CWC27: variants seen among roughly 807,000 people sequenced by gnomAD.
The protein encoded by CWC27 is CWC27 spliceosome associated cyclophilin.
A neutral mutation model predicts 63.6 loss-of-function variants in CWC27; 47 were observed. The ratio of observed to expected loss-of-function variants is 0.74; its 90% CI spans 0.58 to 0.94. The LOEUF (loss-of-function observed/expected upper bound fraction) is 0.94. Ranked by LOEUF, CWC27 falls within the 40% of genes least tolerant of loss-of-function variation. The probability of loss-of-function intolerance (pLI) is 0.00; values close to 1 mark genes in which losing one functional copy is unlikely to be tolerated. For missense variants in CWC27, 495 were observed against 554.3 expected (o/e 0.89, Z 1.07); for synonymous variants, 175 against 179.8 (o/e 0.97, Z 0.22).
At chr5:64,978,474 C>A (rs1286801223) in intron 13 of CWC27, among the ~76,000 whole-genome samples, 2 of 152,172 alleles carry the variant, frequency 1.3e-5, no homozygotes, top group African/African-American at 4.8e-5. Flanking sequence ...AAGCTGTCTC[C>A]TTCCATAGTT....
chr5:64,965,314 C>G (rs189536483), intron 11 of CWC27, among the ~76,000 whole-genome samples: 1 of 152,282 alleles, frequency 6.6e-6, no homozygotes, highest in East Asian at 1.9e-4. Flanking sequence ...AAAGGTCTCA[C>G]CCATAATCAG....
chr5:64,947,536 A>G (rs1304816013), intron 11 of CWC27, among the ~76,000 whole-genome samples: 2 of 152,142 alleles, frequency 1.3e-5, no homozygotes, highest in Non-Finnish European at 2.9e-5. Context: ...CATCATTTTA[A>G]TAAGCTAAAA....
intron 2 of CWC27, among the ~76,000 whole-genome samples, chr5:64,780,048 G>A (rs901148336): frequency 6.6e-6 from 1 of 152,088 alleles, no homozygotes; most frequent in African/African-American, 2.4e-5. Flanking sequence ...AGCAGTGTGA[G>A]AATGGACTAA....
chr5:64,944,623 T>C (rs547434728), intron 11 of CWC27, among the ~76,000 whole-genome samples: 2 of 152,316 alleles, frequency 1.3e-5, no homozygotes, highest in East Asian at 3.9e-4. Flanking sequence ...CTGTCTCAGT[T>C]AATTTTGGAA....
intron 10 of CWC27, among the ~76,000 whole-genome samples, chr5:64,839,821 CA>C (rs1745754984): frequency 6.6e-6 from 1 of 151,808 alleles, no homozygotes; most frequent in Admixed American, 6.6e-5. Flanking sequence ...TTGAAAAAAA[CA>C]CAGAAAAGAT....
intron 3 of CWC27, among the ~76,000 whole-genome samples, chr5:64,782,950 A>C (rs186211994): frequency 1.3e-5 from 2 of 152,052 alleles, no homozygotes; most frequent in Admixed American, 1.3e-4. Context: ...TTATTCTTTT[A>C]TTTGGTGTGA....
intron 10 of CWC27, among the ~76,000 whole-genome samples, chr5:64,858,182 G>A (rs1360523360): frequency 2.8e-5 from 4 of 145,340 alleles, no homozygotes; most frequent in Non-Finnish European, 4.5e-5. Flanking sequence ...GAAGCCGGCC[G>A]GGCGTGGTGG....
At chr5:64,996,946 T>C (rs1431455603) in intron 13 of CWC27, among the ~76,000 whole-genome samples, 1 of 152,130 alleles carries the variant, frequency 6.6e-6, no homozygotes, top group Non-Finnish European at 1.5e-5. Context: ...GTTGGTGTTG[T>C]TGTTGTTTTA....
rs141583038 is a variant in CWC27 at position 64,869,456 on chromosome 5, A to G, written c.939-15987A>G. Reference sequence around the variant, plus strand: ...TGAAGGGTCGGTCTAGCACAGTTCAAGCAAGTTTTCTGGTCCTGTTTGTCT... The same window carrying G: ...TGAAGGGTCGGTCTAGCACAGTTCAGGCAAGTTTTCTGGTCCTGTTTGTCT... On this transcript the variant is annotated intron_variant, in intron 10 of 13. Coordinates refer to ENST00000381070, the MANE Select transcript of CWC27 (RefSeq NM_005869.4). 1.6e-3 allele frequency among the ~76,000 whole-genome samples: 240 copies of G among 152,154 alleles called. 1 individual carries two copies. The highest frequency in any genetic ancestry group is 5.4e-3 in the African/African-American group (223 of 41,550).
At chr5:64,961,408 A>G (rs527375040) in intron 11 of CWC27, among the ~76,000 whole-genome samples, 1 of 152,196 alleles carries the variant, frequency 6.6e-6, no homozygotes, top group East Asian at 1.9e-4. Flanking sequence ...CCTTTCATAT[A>G]TATATATATA....
At chr5:64,835,893 T>C (rs1745648045) in intron 10 of CWC27, among the ~76,000 whole-genome samples, 1 of 151,852 alleles carries the variant, frequency 6.6e-6, no homozygotes, top group Admixed American at 6.6e-5. Context: ...TGTGAGCCTA[T>C]CATAATCCTT....
intron 8 of CWC27, 120 bp from the exon 9 acceptor site, chr5:64,801,182 A>G (rs1406838648): frequency 3.3e-6 from 3 of 921,130 alleles, no homozygotes; most frequent in East Asian, 3.8e-5. Context: ...TTAAATTCCT[A>G]TGTTGAAATA....
At chr5:64,836,916 C>T (rs1335425858) in intron 10 of CWC27, among the ~76,000 whole-genome samples, 1 of 151,928 alleles carries the variant, frequency 6.6e-6, no homozygotes, top group Non-Finnish European at 1.5e-5. Context: ...ATTTCTGTTC[C>T]AAAGAGTTGT....
chr5:64,880,969 A>G (rs964975388), intron 10 of CWC27, among the ~76,000 whole-genome samples: 3 of 151,130 alleles, frequency 2.0e-5, no homozygotes, highest in Non-Finnish European at 3.0e-5. Flanking sequence ...GGTGACATAT[A>G]CTCCAAGCTT....
intron 11 of CWC27, among the ~76,000 whole-genome samples, chr5:64,905,200 CAAAAAAAAAAAA>C (rs71608574): frequency 7.2e-5 from 4 of 55,550 alleles, no homozygotes; most frequent in Non-Finnish European, 1.4e-4. Flanking sequence ...CACTACATCT[CAAAAAAAAAAAA>C]AAAAAAAAAA....
rs893549715 is a variant in CWC27, at chr5:64,911,121, G to A, written c.1042+25575G>A. Among the ~76,000 whole-genome samples, 8 of 152,154 alleles carry A rather than the reference G, an allele frequency of 5.3e-5. 1 individual carries two copies. The highest frequency in any genetic ancestry group is 2.6e-4 in the Admixed American group (4 of 15,268). Reference sequence around the variant, plus strand: ...CTGAAATTCTGTTAACACTTTGGACGTCTCTCTGATCTGCAAACTTGAGGA... The same window carrying A: ...CTGAAATTCTGTTAACACTTTGGACATCTCTCTGATCTGCAAACTTGAGGA... On this transcript the variant is annotated intron_variant, in intron 11 of 13. Coordinates refer to ENST00000381070, the MANE Select transcript of CWC27 (RefSeq NM_005869.4).
intron 10 of CWC27, among the ~76,000 whole-genome samples, chr5:64,846,280 T>A (rs1257131382): frequency 6.6e-6 from 1 of 152,224 alleles, no homozygotes; most frequent in Non-Finnish European, 1.5e-5. Context: ...ATAAGGCAAT[T>A]TCATCCCTAG....
At chr5:64,939,752 A>T (rs190725469) in intron 11 of CWC27, among the ~76,000 whole-genome samples, 4 of 152,272 alleles carry the variant, frequency 2.6e-5, no homozygotes, top group Non-Finnish European at 1.5e-5. Flanking sequence ...TCCCAGGGAG[A>T]TGGGAGTTTT....
At chr5:64,803,998 C>G (rs1271600833) in intron 9 of CWC27, among the ~76,000 whole-genome samples, 1 of 152,110 alleles carries the variant, frequency 6.6e-6, no homozygotes, top group African/African-American at 2.4e-5. Flanking sequence ...GTTGAGCGAA[C>G]AGCCTTTCCT....
Sources: gnomAD v4.1 joint callset for allele counts (sites outside exome capture counted in the v4.1 genomes callset) on GRCh38, gnomAD v4.1.1 for gene constraint, MANE v1.5 for transcripts, NCBI Gene and HGNC (gene_info 2026-07-23, HGNC 2026-07-21) for gene names.